Variants in NR3C2 observed in about 807,000 individuals in gnomAD.
The protein encoded by NR3C2 is mineralocorticoid receptor.
A neutral mutation model predicts 86.4 loss-of-function variants in NR3C2; 15 were observed. The ratio of observed to expected loss-of-function variants is 0.17; its 90% CI spans 0.12 to 0.27. The LOEUF is 0.27. Ranked by LOEUF, NR3C2 falls within the 10% of genes least tolerant of loss-of-function variation. The pLI is 1.00. For synonymous variants in NR3C2, 458 were observed against 450.5 expected (o/e 1.02, Z -0.21); for missense variants, 960 against 1,195.6 (o/e 0.80, Z 2.91).
chr4:148,250,841 T>G (rs571657879), intron 3 of NR3C2, among the ~76,000 whole-genome samples: 17 of 152,330 alleles, frequency 1.1e-4, no homozygotes, highest in Middle Eastern at 3.4e-3. Flanking sequence ...CCATCATTCC[T>G]CAGAACTGAT....
intron 3 of NR3C2, among the ~76,000 whole-genome samples, chr4:148,233,365 G>GTTTTTT (rs1738561921): frequency 6.9e-5 from 1 of 14,396 alleles, no homozygotes; most frequent in East Asian, 7.5e-3. Flanking sequence ...AATTTCTTTA[G>GTTTTTT]GTTTTTTTTT....
intron 2 of NR3C2, among the ~76,000 whole-genome samples, chr4:148,326,161 C>T (rs192865167): frequency 0.012 from 1,855 of 149,162 alleles, 37 homozygotes; most frequent in African/African-American, 0.043. Flanking sequence ...GAGGCTGAGG[C>T]GGGAGGATCA....
chr4:148,436,033 T>C lies in NR3C2; in HGVS notation c.828A>G (p.Pro276=). 6.2e-6 allele frequency: 10 copies of C among 1,614,096 alleles called. No individual in the cohort carries two copies. Among genetic ancestry groups the C allele is most frequent in the Non-Finnish European group, 8.5e-6 (10 of 1,180,014 alleles). ...SSMKSSISSP[P]SHCSVKSPVS... ...CTGGAGATTTTACACTGCAGTGACT[T>C]GGAGGGCTGGAAATTGAGGATTTCA... The change falls in exon 2 of 9, where the codon CCA becomes CCG. Residue 276 remains proline, a synonymous_variant. Transcript: ENST00000358102.
At chr4:148,380,948 TAC>T (rs1240631260) in intron 2 of NR3C2, among the ~76,000 whole-genome samples, 1 of 152,180 alleles carries the variant, frequency 6.6e-6, no homozygotes, top group Non-Finnish European at 1.5e-5. Flanking sequence ...TATCCTGCAT[TAC>T]TAAAAACTGT....
intron 2 of NR3C2, among the ~76,000 whole-genome samples, chr4:148,420,477 G>GT (rs1447251451): frequency 6.6e-6 from 1 of 152,120 alleles, no homozygotes; most frequent in Admixed American, 6.5e-5. Context: ...ATTTCTAACT[G>GT]TTCCCTCCCT....
chr4:148,193,307 T>G (rs6841570), intron 4 of NR3C2, among the ~76,000 whole-genome samples: 103,880 of 152,134 alleles, frequency 0.68, 35,603 homozygotes, highest in East Asian at 0.74. Context: ...ACTTCTGCAG[T>G]TGGGGCACTC....
At chr4:148,355,659 C>T (rs946470895) in intron 2 of NR3C2, among the ~76,000 whole-genome samples, 1 of 152,172 alleles carries the variant, frequency 6.6e-6, no homozygotes, top group Non-Finnish European at 1.5e-5. Flanking sequence ...AGGGCCATCC[C>T]GTCAGTTGTT....
intron 6 of NR3C2, among the ~76,000 whole-genome samples, chr4:148,122,575 T>C (rs1003016467): frequency 6.6e-6 from 1 of 152,226 alleles, no homozygotes; most frequent in Non-Finnish European, 1.5e-5. Flanking sequence ...TCCTTCCTCT[T>C]TCCCTTCTTC....
At chr4:148,284,288 T>G (rs1741404186) in intron 2 of NR3C2, among the ~76,000 whole-genome samples, 1 of 151,860 alleles carries the variant, frequency 6.6e-6, no homozygotes, top group South Asian at 2.1e-4. Context: ...TCTGAAGGAG[T>G]TGATAGGCTT....
At chr4:148,123,376 C>G (rs185721193) in intron 6 of NR3C2, among the ~76,000 whole-genome samples, 1 of 152,250 alleles carries the variant, frequency 6.6e-6, no homozygotes, top group African/African-American at 2.4e-5. Flanking sequence ...TTTGTTGTAC[C>G]CTTATTGGTA....
chr4:148,169,043 G>A (rs567883455), intron 4 of NR3C2, among the ~76,000 whole-genome samples: 1 of 152,152 alleles, frequency 6.6e-6, no homozygotes, highest in Non-Finnish European at 1.5e-5. Context: ...ACCATAACAT[G>A]TGAATGTTAG....
At chr4:148,181,246 A>T (rs572579617) in intron 4 of NR3C2, among the ~76,000 whole-genome samples, 11 of 152,212 alleles carry the variant, frequency 7.2e-5, no homozygotes, top group Non-Finnish European at 1.5e-4. Context: ...TAGTGTCTTC[A>T]CTAAAGGAAT....
Position 148,260,876 on chromosome 4 carries a change from A to T in NR3C2, c.1758-759T>A, listed in dbSNP as rs61760296. The stretch of plus-strand genomic sequence containing the variant: ...TTTTTAAGGGGAATCTTCTCAAGAT[A>T]TATTATATAGTACTGTGTTAGTTGA... On this transcript the variant is annotated intron_variant, in intron 2 of 8. Transcript: ENST00000358102. Among the ~76,000 whole-genome samples, 725 of 152,324 alleles carry T rather than the reference A, an allele frequency of 4.8e-3. 4 individuals carry two copies. The highest frequency in any genetic ancestry group is 0.027 in the Middle Eastern group (8 of 294).
chr4:148,325,408 C>T (rs1331352431), intron 2 of NR3C2, among the ~76,000 whole-genome samples: 1 of 152,144 alleles, frequency 6.6e-6, no homozygotes, highest in Admixed American at 6.5e-5. Context: ...TAACTTCTCT[C>T]TTTTTTTAAT....
intron 2 of NR3C2, among the ~76,000 whole-genome samples, chr4:148,296,548 T>C (rs893912158): frequency 1.3e-5 from 2 of 151,944 alleles, no homozygotes; most frequent in African/African-American, 2.4e-5. Context: ...ATTCGCTGTC[T>C]TTGTAACTTC....
At chr4:148,225,604 G>A (rs1203812232) in intron 3 of NR3C2, among the ~76,000 whole-genome samples, 3 of 151,962 alleles carry the variant, frequency 2.0e-5, no homozygotes. Flanking sequence ...ATAATTTATG[G>A]ATATTAAAAT....
chr4:148,309,446 A>C (rs956879919), intron 2 of NR3C2, among the ~76,000 whole-genome samples: 24 of 152,022 alleles, frequency 1.6e-4, no homozygotes, highest in Admixed American at 1.6e-3. Flanking sequence ...AGACTTCAGA[A>C]ATCTTCATAT....
intron 6 of NR3C2, among the ~76,000 whole-genome samples, chr4:148,141,250 T>G (rs1733588620): frequency 6.6e-6 from 1 of 152,148 alleles, no homozygotes; most frequent in African/African-American, 2.4e-5. Flanking sequence ...CTGGCCAACA[T>G]GGTGAAACCC....
Position 148,269,309 on chromosome 4 carries a change from G to A in NR3C2, c.1758-9192C>T, listed in dbSNP as rs1264036694. 3.9e-5 allele frequency among the ~76,000 whole-genome samples: 6 copies of A among 152,190 alleles called. No homozygotes were observed. In the East Asian group the frequency reaches 1.2e-3, roughly 29 times the overall value. ...CAACTGCCAACAAGAGGACAAGACT[G>A]AAGGCTCACCATGGGGATGTGGTCA... On this transcript the variant is annotated intron_variant, in intron 2 of 8. Transcript: ENST00000358102.
Sources: allele counts gnomAD v4.1 joint callset (sites outside exome capture counted in the v4.1 genomes callset), GRCh38; gene constraint gnomAD v4.1.1; transcripts MANE v1.5; gene names NCBI Gene and HGNC (gene_info 2026-07-23, HGNC 2026-07-21).